Variants in MRPL48 observed in about 807,000 individuals in gnomAD.
MRPL48 encodes the protein mitochondrial ribosomal protein L48.
MRPL48 carries 16 observed loss-of-function variants against 32.9 expected under a neutral mutation model. The observed-to-expected ratio is 0.49, with a 90% CI of 0.33 to 0.74. The LOEUF (loss-of-function observed/expected upper bound fraction) is 0.74. Among genes scored for constraint, MRPL48 ranks in the 30% least tolerant of loss-of-function variants. MRPL48 has a pLI of 0.02. For missense variants in MRPL48, 206 were observed against 245.3 expected (o/e 0.84, Z 1.07); for synonymous variants, 94 against 89.2 (o/e 1.05, Z -0.31).
rs768737589 is a variant in MRPL48 at position 73,787,987 on chromosome 11, GA to G, written c.20del (p.Lys7ArgfsTer5). 54 of 1,596,780 alleles carry G rather than the reference GA, an allele frequency of 3.4e-5. No individual in the cohort carries two copies. The highest frequency in any genetic ancestry group is 4.4e-5 in the Non-Finnish European group (51 of 1,172,280). On this transcript the variant is annotated frameshift_variant, in exon 1 of 8. Coordinates refer to ENST00000310614, the MANE Select transcript of MRPL48 (RefSeq NM_016055.6). LOFTEE classifies it high-confidence loss of function. The part of the protein sequence containing the change: MSGTL[E>X]KVLCLRNNTI... ...GCAGCAAAGGATGAGCGGAACCTTG[GA>G]AAAGGTAACGTAGATTCCACGCACG...
chr11:73,803,986 C>A (rs746691041), intron 1 of MRPL48, among the ~76,000 whole-genome samples: 3 of 152,110 alleles, frequency 2.0e-5, no homozygotes, highest in African/African-American at 7.2e-5. Flanking sequence ...GTGGCGAGAT[C>A]TCGGCTCACT....
At chr11:73,856,156 C>T (rs1294889702) in intron 5 of MRPL48, among the ~76,000 whole-genome samples, 1 of 152,166 alleles carries the variant, frequency 6.6e-6, no homozygotes, top group Non-Finnish European at 1.5e-5. Context: ...CTTTTTGCCT[C>T]TTTGCTGGCT....
chr11:73,843,558 T>C (rs905673857), intron 4 of MRPL48, among the ~76,000 whole-genome samples: 2 of 152,130 alleles, frequency 1.3e-5, no homozygotes, highest in Admixed American at 6.6e-5. Context: ...CTACACAAGT[T>C]GATATGTAGT....
intron 4 of MRPL48, among the ~76,000 whole-genome samples, chr11:73,830,665 C>G (rs142174722): frequency 6.6e-6 from 1 of 152,096 alleles, no homozygotes; most frequent in Non-Finnish European, 1.5e-5. Context: ...ATCCCTAAGA[C>G]GAGTAAATTC....
chr11:73,809,034 A>G (rs925144929), intron 3 of MRPL48, among the ~76,000 whole-genome samples: 1 of 151,746 alleles, frequency 6.6e-6, no homozygotes, highest in Non-Finnish European at 1.5e-5. Context: ...GATCCTACCT[A>G]CCCCAGAGGC....
At chr11:73,855,118 G>A (rs1237913863) in intron 5 of MRPL48, among the ~76,000 whole-genome samples, 1 of 152,056 alleles carries the variant, frequency 6.6e-6, no homozygotes, top group African/African-American at 2.4e-5. Context: ...TATTATTATA[G>A]AAGCTTGCCC....
intron 1 of MRPL48, among the ~76,000 whole-genome samples, chr11:73,794,655 T>C (rs1272915393): frequency 6.6e-6 from 1 of 152,116 alleles, no homozygotes; most frequent in Non-Finnish European, 1.5e-5. Flanking sequence ...TTCAAGAGAA[T>C]CTAGTTAGGG....
intron 3 of MRPL48, among the ~76,000 whole-genome samples, chr11:73,810,154 G>A (rs192431891): frequency 2.0e-5 from 3 of 152,200 alleles, no homozygotes; most frequent in East Asian, 1.9e-4. Context: ...TTAACATTTT[G>A]TCATGTTAGC....
intron 4 of MRPL48, among the ~76,000 whole-genome samples, chr11:73,830,830 T>C (rs1052268507): frequency 1.3e-5 from 2 of 152,056 alleles, no homozygotes; most frequent in Non-Finnish European, 2.9e-5. Context: ...TTGTTAATAC[T>C]GTTTTTATCT....
At chr11:73,794,547 C>T (rs1156898877) in intron 1 of MRPL48, among the ~76,000 whole-genome samples, 1 of 146,124 alleles carries the variant, frequency 6.8e-6, no homozygotes, top group Non-Finnish European at 1.5e-5. Flanking sequence ...AAGAGTGAAA[C>T]TCCATCTCTG....
chr11:73,834,765 C>T (rs1312647391), intron 4 of MRPL48, among the ~76,000 whole-genome samples: 2 of 151,388 alleles, frequency 1.3e-5, no homozygotes, highest in South Asian at 2.1e-4. Context: ...AATCTCCTGA[C>T]CTCAGGTGAT....
At chr11:73,795,363 T>C (rs2134935026) in intron 1 of MRPL48, among the ~76,000 whole-genome samples, 1 of 152,052 alleles carries the variant, frequency 6.6e-6, no homozygotes, top group Non-Finnish European at 1.5e-5. Flanking sequence ...ACTTCATCTC[T>C]GATGAAGTCT....
chr11:73,830,770 A>G (rs1452746446), intron 4 of MRPL48, among the ~76,000 whole-genome samples: 3 of 151,574 alleles, frequency 2.0e-5, no homozygotes, highest in Non-Finnish European at 4.4e-5. Context: ...CAGTCTTATG[A>G]CTTACGCATC....
intron 4 of MRPL48, among the ~76,000 whole-genome samples, chr11:73,826,984 C>T (rs1947908065): frequency 1.3e-5 from 2 of 151,364 alleles, no homozygotes; most frequent in Non-Finnish European, 2.9e-5. Context: ...CCATGTTGGC[C>T]AGGCTGGTCT....
intron 5 of MRPL48, among the ~76,000 whole-genome samples, chr11:73,846,819 C>G (rs1948300709): frequency 6.6e-6 from 1 of 152,068 alleles, no homozygotes; most frequent in Non-Finnish European, 1.5e-5. Context: ...CCTCCTCTCT[C>G]TCCCAAATAG....
At chr11:73,844,184 C>G (rs1436260567) in intron 4 of MRPL48, among the ~76,000 whole-genome samples, 1 of 151,992 alleles carries the variant, frequency 6.6e-6, no homozygotes, top group Non-Finnish European at 1.5e-5. Context: ...AATCCTAGCA[C>G]TTTGGGAGGC....
intron 1 of MRPL48, chr11:73,802,067 A>G (rs536112532): frequency 6.6e-6 from 1 of 152,250 alleles, no homozygotes; most frequent in African/African-American, 2.4e-5. Context: ...CCTTGCTTAT[A>G]TGCATTTGTC....
In MRPL48 at chr11:73,844,925, C is replaced by G; in HGVS notation, c.320C>G (p.Ala107Gly). The part of the protein sequence containing the change: ...AYDMTLAESY[A>G]QYVHNLCNSL... ...GATATGACCCTGGCAGAGAGTTATG[C>G]CCAGTATGTTCACAACCTCTGCAAC... Residue 107 changes from alanine (A) to glycine (G), a missense_variant, in exon 5 of 8, where the codon GCC becomes GGC. Coordinates refer to ENST00000310614, the MANE Select transcript of MRPL48 (RefSeq NM_016055.6). 1 of 1,613,414 alleles carries G rather than the reference C, an allele frequency of 6.2e-7. No homozygotes were observed. The highest frequency in any genetic ancestry group is 8.5e-7 in the Non-Finnish European group (1 of 1,179,708).
intron 5 of MRPL48, among the ~76,000 whole-genome samples, chr11:73,853,221 T>C (rs1948430969): frequency 6.6e-6 from 1 of 152,192 alleles, no homozygotes; most frequent in African/African-American, 2.4e-5. Context: ...TAATTGTACA[T>C]TTACAAATAA....
Sources: gnomAD v4.1 joint callset for allele counts (sites outside exome capture counted in the v4.1 genomes callset) on GRCh38, gnomAD v4.1.1 for gene constraint, MANE v1.5 for transcripts, NCBI Gene and HGNC (gene_info 2026-07-23, HGNC 2026-07-21) for gene names.